The following COPG1 variants were observed in gnomAD, a reference collection of about 807,000 sequenced individuals.
COPG1 encodes the protein coatomer subunit gamma-1.
Under a neutral mutation model 102.8 loss-of-function variants are expected in COPG1, and 29 were observed. The observed-to-expected ratio is 0.28, with a 90% CI of 0.21 to 0.38. The LOEUF (loss-of-function observed/expected upper bound fraction) is 0.38, where lower values mean the gene tolerates loss of function less well. COPG1 is among the 10% of genes least tolerant of loss of function. COPG1 has a pLI of 1.00. For synonymous variants in COPG1, 406 were observed against 421.6 expected, an observed-to-expected ratio of 0.96 and a Z score of 0.45; for missense variants, 875 against 1,132.7, an observed-to-expected ratio of 0.77 and a Z score of 3.27.
At chr3:129,267,811 C>G (rs976721203) in intron 15 of COPG1, 126 bp from the exon 16 acceptor site, 4 of 684,596 alleles carry the variant, frequency 5.8e-6, no homozygotes, top group Non-Finnish European at 1.0e-5. Flanking sequence ...TCCCTCCACC[C>G]TCCGCCTGGG....
chr3:129,250,172 A>G (rs978313737), intron 1 of COPG1, among the ~76,000 whole-genome samples: 3 of 152,188 alleles, frequency 2.0e-5, no homozygotes, highest in Non-Finnish European at 4.4e-5. Context: ...AGCAAAGTAT[A>G]TTGAGCAGTT....
intron 12 of COPG1, among the ~76,000 whole-genome samples, chr3:129,263,046 G>A (rs867486997): frequency 0.049 from 6,526 of 134,446 alleles, 689 homozygotes; most frequent in African/African-American, 0.21. Flanking sequence ...GAGTCCTTCT[G>A]GAGCAGAGTG....
intron 13 of COPG1, among the ~76,000 whole-genome samples, chr3:129,265,266 A>G (rs532241097): frequency 7.9e-5 from 12 of 151,726 alleles, no homozygotes; most frequent in Non-Finnish European, 1.2e-4. Context: ...TAATTTTTCT[A>G]TTTTTTGTAG....
chr3:129,268,906 A>T, intron 17 of COPG1, 26 bp from the exon 18 acceptor site: 2 of 1,605,578 alleles, frequency 1.2e-6, no homozygotes, highest in South Asian at 2.2e-5. Flanking sequence ...GCTGTTGGTC[A>T]TCACGTGTAT....
Position 129,274,837 on chromosome 3 carries a change from G to A in COPG1, c.2257-1G>A. On this transcript the variant is annotated splice_acceptor_variant, in intron 21 of 23. Coordinates refer to ENST00000314797, the MANE Select transcript of COPG1 (RefSeq NM_016128.4). LOFTEE classifies it high-confidence loss of function. ...CCTGATTTCTACCTCCATCTCTCCA[G>A]CTGGAAGATCTGGAAGTTACTGTAG... The A allele has an allele frequency of 6.2e-7, 1 of 1,614,074 alleles. No individual in the cohort carries two copies. The highest frequency in any genetic ancestry group is 8.5e-7 in the Non-Finnish European group (1 of 1,180,000).
chr3:129,254,763 C>G lies in COPG1; in HGVS notation c.399+20C>G. 1 of 1,608,610 alleles carries G rather than the reference C, an allele frequency of 6.2e-7. No individual in the cohort carries two copies. On this transcript the variant is annotated intron_variant, in intron 6 of 23. Transcript: ENST00000314797. ...ACTGATGTGAGTCGTGCCGGTTCCT[C>G]CCTGCTTCCTGGCCTCTTGATTGAG...
intron 18 of COPG1, among the ~76,000 whole-genome samples, chr3:129,269,278 G>A (rs1940145018): frequency 6.6e-6 from 1 of 152,156 alleles, no homozygotes; most frequent in Non-Finnish European, 1.5e-5. Context: ...GAGGGCTCGG[G>A]TCCCTGGAGC....
rs146938288 is a variant in COPG1 at position 129,271,589 on chromosome 3, G to T, written c.1844-178G>T. ...GTTGTGCCACATGAGCGAAGTCAGGGAGATGAGAAAATGCATGGATATATT... is the reference window on the plus strand; with the variant it reads ...GTTGTGCCACATGAGCGAAGTCAGGTAGATGAGAAAATGCATGGATATATT... On this transcript the variant is annotated intron_variant, in intron 18 of 23. Transcript: ENST00000314797. The surrounding 1 kb of genome is among the most constrained non-coding windows in gnomAD (Gnocchi z 4.7). 7.2e-5 allele frequency among the ~76,000 whole-genome samples: 11 copies of T among 152,324 alleles called. No homozygotes were observed. In the East Asian group the frequency reaches 1.9e-3, roughly 27 times the overall value.
rs1560060520 is a variant in COPG1 at position 129,249,851 on chromosome 3, G to A, written c.37+105G>A. On this transcript the variant is annotated intron_variant, in intron 1 of 23. Transcript: ENST00000314797. ...GGAGGCTGAGGCCCAGTGAGGGGCAGGGGCTTGTGCCAGGGTCCACAGCTA... is the reference window on the plus strand; with the variant it reads ...GGAGGCTGAGGCCCAGTGAGGGGCAAGGGCTTGTGCCAGGGTCCACAGCTA... 2.4e-6 allele frequency: 3 copies of A among 1,256,806 alleles called. No individual in the cohort carries two copies. The African/African-American group carries it at 4.5e-5, about 19-fold the overall frequency. 77.9% of individuals were successfully genotyped at this position (1,256,806 alleles called of 1,614,324 possible). A position where few individuals can be genotyped will look rare whatever the true frequency, so the allele number is the denominator to read the frequency against.
chr3:129,267,393 G>A (rs1005254310), intron 15 of COPG1, among the ~76,000 whole-genome samples: 7 of 152,252 alleles, frequency 4.6e-5, no homozygotes, highest in African/African-American at 1.4e-4. Flanking sequence ...AGGCCAAGGC[G>A]GGCGGATCAC....
chr3:129,268,801 T>A, intron 17 of COPG1, 131 bp from the exon 18 acceptor site: 2 of 1,101,586 alleles, frequency 1.8e-6, no homozygotes, highest in Non-Finnish European at 2.7e-6. Flanking sequence ...GTGGGCTCTC[T>A]CACATGTCTT....
In COPG1 at chr3:129,277,313, T is replaced by C. The variant is rs1219817881; in HGVS notation, c.2514T>C (p.His838=). Residue 838 remains histidine, a synonymous_variant, in exon 24 of 24, where the codon CAT becomes CAC. Transcript: ENST00000314797. ...TTCTAGGTGTGTTCCGGGGTGGTCATGACATCCTGGTGCGCTCCCGGCTGC... is the reference window on the plus strand; with the variant it reads ...TTCTAGGTGTGTTCCGGGGTGGTCACGACATCCTGGTGCGCTCCCGGCTGC... The part of the protein sequence containing the change: ...LLLAGVFRGG[H]DILVRSRLLL... 1 of 1,614,020 alleles carries C rather than the reference T, an allele frequency of 6.2e-7. No homozygotes were observed. Among genetic ancestry groups the C allele is most frequent in the Non-Finnish European group, 8.5e-7 (1 of 1,179,980 alleles).
chr3:129,269,077 A>C, intron 18 of COPG1, 77 bp downstream of exon 18: 1 of 1,275,158 alleles, frequency 7.8e-7, no homozygotes. Flanking sequence ...GAACTGTCAT[A>C]TATTGGTCTC....
rs185512562 is a variant in COPG1, at chr3:129,267,976, C to T, written c.1584C>T (p.Ala528=). The T allele has an allele frequency of 6.2e-7, 1 of 1,614,146 alleles. No individual in the cohort carries two copies. The highest frequency in any genetic ancestry group is 8.5e-7 in the Non-Finnish European group (1 of 1,180,006). The part of the protein sequence containing the change: ...MDDDNEVRDR[A]TFYLNVLEQK... ...ATGACAATGAAGTAAGGGACCGAGC[C>T]ACCTTCTACCTAAATGTCCTGGAGC... is the stretch of plus-strand genomic sequence containing the variant. Residue 528 remains alanine (A), a synonymous_variant, in exon 16 of 24, where the codon GCC becomes GCT. Transcript: ENST00000314797.
At chr3:129,260,979 T>C (rs752520770) in intron 12 of COPG1, among the ~76,000 whole-genome samples, 172 bp downstream of exon 12, 1 of 152,200 alleles carries the variant, frequency 6.6e-6, no homozygotes, top group Non-Finnish European at 1.5e-5. Flanking sequence ...GAAATGTGCG[T>C]AGTCCTGCCT....
Position 129,249,653 on chromosome 3 carries a change from C to T in COPG1, c.-57C>T. The T allele has an allele frequency of 6.5e-7, 1 of 1,544,960 alleles. No homozygotes were observed. The highest frequency in any genetic ancestry group is 1.2e-5 in the South Asian group (1 of 83,768). On this transcript the variant is annotated 5_prime_UTR_variant, in exon 1 of 24. Transcript: ENST00000314797. Reference sequence around the variant, plus strand: ...CTGTAGAACCACTGTGGCACCGCTACTCCGTGCCGCGCCCGTCGAGCATTG... The same window carrying T: ...CTGTAGAACCACTGTGGCACCGCTATTCCGTGCCGCGCCCGTCGAGCATTG...
At position 129,277,709 on chromosome 3, in the gene COPG1, C is replaced by T. The variant is rs907712010; in HGVS notation, c.*285C>T. Reference sequence around the variant, plus strand: ...GTAAATGAATAAAACATTCTCAACTCCTCTTGAATCTATCCCCCAAGAAAC... The same window carrying T: ...GTAAATGAATAAAACATTCTCAACTTCTCTTGAATCTATCCCCCAAGAAAC... On this transcript the variant is annotated 3_prime_UTR_variant, in exon 24 of 24. Coordinates refer to ENST00000314797, the MANE Select transcript of COPG1 (RefSeq NM_016128.4). 2 of 317,252 alleles carry T rather than the reference C, an allele frequency of 6.3e-6. No homozygotes were observed. The highest frequency in any genetic ancestry group is 4.3e-5 in the African/African-American group (2 of 46,924). The allele number at this position is 317,252 out of a possible 1,614,324, so 19.7% of individuals were successfully genotyped here.
Position 129,275,950 on chromosome 3 carries a change from A to T in COPG1, c.2494+658A>T, listed in dbSNP as rs1356717558. Among the ~76,000 whole-genome samples, 1 of 150,866 alleles carries T rather than the reference A, an allele frequency of 6.6e-6. No individual in the cohort carries two copies. Among genetic ancestry groups the T allele is most frequent in the Non-Finnish European group, 1.5e-5 (1 of 67,990 alleles). On this transcript the variant is annotated intron_variant, in intron 23 of 23. Coordinates refer to ENST00000314797, the MANE Select transcript of COPG1 (RefSeq NM_016128.4). This position sits in a 1 kb window ranked among gnomAD's most constrained non-coding sequence, Gnocchi z 5.0. The stretch of plus-strand genomic sequence containing the variant: ...TGATTTCAATCTCTTGCTATTACAG[A>T]TGTTACAGTAAATAATCGTGTACAC...
At chr3:129,266,990 C>T (rs776889272) in intron 14 of COPG1, 34 bp from the exon 15 acceptor site, 31 of 1,591,146 alleles carry the variant, frequency 1.9e-5, no homozygotes, top group East Asian at 2.2e-5. Flanking sequence ...TGTCAGGGTG[C>T]ATTGGGTAAA....
Sources: allele counts gnomAD v4.1 joint callset (sites outside exome capture counted in the v4.1 genomes callset), GRCh38; gene constraint gnomAD v4.1.1; non-coding constraint Gnocchi (gnomAD v3.1); transcripts MANE v1.5; gene names NCBI Gene and HGNC (gene_info 2026-07-23, HGNC 2026-07-21).